FBN3: variants seen among roughly 807,000 people sequenced by gnomAD.
The protein encoded by FBN3 is fibrillin 3, also known as fibrillin-3.
A neutral mutation model predicts 330.1 loss-of-function variants in FBN3; 234 were observed. The ratio of observed to expected loss-of-function variants is 0.71; its 90% CI spans 0.64 to 0.79. FBN3 has a LOEUF of 0.79. FBN3 is among the 30% of genes least tolerant of loss of function. FBN3 has a pLI of 0.00. For missense variants in FBN3, 3,606 were observed against 3,886.9 expected, an observed-to-expected ratio of 0.93 and a Z score of 1.92; for synonymous variants, 1,458 against 1,517.3, an observed-to-expected ratio of 0.96 and a Z score of 0.91.
chr19:8,121,175 G>A lies in FBN3; in HGVS notation c.3211+83C>T. On this transcript the variant is annotated intron_variant, in intron 25 of 63. Coordinates refer to ENST00000600128, the MANE Select transcript of FBN3 (RefSeq NM_032447.5). The surrounding 1 kb of genome is among the most constrained non-coding windows in gnomAD (Gnocchi z 4.5). ...TGCCCCCTCCATCCACGTCCACACA[G>A]CAACAGCCGTCCCCACCCTCCCTCT... The A allele has an allele frequency of 1.5e-6, 2 of 1,344,794 alleles. No homozygotes were observed. Among genetic ancestry groups the A allele is most frequent in the Non-Finnish European group, 2.0e-6 (2 of 979,830 alleles). 83.3% of individuals were successfully genotyped at this position (1,344,794 alleles called of 1,614,324 possible).
intron 18 of FBN3, 32 bp from the exon 19 acceptor site, chr19:8,126,864 C>A: frequency 6.6e-7 from 1 of 1,518,686 alleles, no homozygotes. Flanking sequence ...AGGTCCTGAG[C>A]TGCAGGAGGA....
chr19:8,132,869 TCTC>T (rs1488219877), intron 14 of FBN3, 112 bp downstream of exon 14: 20 of 1,184,534 alleles, frequency 1.7e-5, no homozygotes, highest in South Asian at 8.8e-5. Flanking sequence ...CCCCTTCTCT[TCTC>T]CTTCTCTCAT....
chr19:8,121,477 T>G lies in FBN3; in HGVS notation c.3083-91A>C. The stretch of plus-strand genomic sequence containing the variant: ...GGGTCCCTGTCCTTTGATGGAGGTG[T>G]GGGCTAGAGGAAGCCCATCTGCAGA... On this transcript the variant is annotated intron_variant, in intron 24 of 63. Coordinates refer to ENST00000600128, the MANE Select transcript of FBN3 (RefSeq NM_032447.5). This position sits in a 1 kb window ranked among gnomAD's most constrained non-coding sequence, Gnocchi z 4.5. The G allele has an allele frequency of 7.5e-7, 1 of 1,335,228 alleles. No individual in the cohort carries two copies. The highest frequency in any genetic ancestry group is 1.0e-6 in the Non-Finnish European group (1 of 995,722). 82.7% of individuals were successfully genotyped at this position (1,335,228 alleles called of 1,614,324 possible). A position where few individuals can be genotyped will look rare whatever the true frequency, so the allele number is the denominator to read the frequency against.
chr19:8,109,008 A>T lies in FBN3; in HGVS notation c.4618+219T>A, dbSNP rs1382354. Reference sequence around the variant, plus strand: ...CTGACTGAGTGATCAAGTGACTATAAACACAGAGAATTTACAGAAAGCGAC... The same window carrying T: ...CTGACTGAGTGATCAAGTGACTATATACACAGAGAATTTACAGAAAGCGAC... On this transcript the variant is annotated intron_variant, in intron 36 of 63. Transcript: ENST00000600128. This position sits in a 1 kb window ranked among gnomAD's most constrained non-coding sequence, Gnocchi z 5.2. Among the ~76,000 whole-genome samples, 47,139 of 151,920 alleles carry T rather than the reference A, an allele frequency of 0.31. 7,842 individuals are homozygous for T. Among genetic ancestry groups the T allele is most frequent in the Middle Eastern group, 0.39 (115 of 292 alleles).
intron 37 of FBN3, among the ~76,000 whole-genome samples, chr19:8,107,712 T>C (rs1243941425): frequency 1.5e-5 from 2 of 136,982 alleles, no homozygotes; most frequent in African/African-American, 5.0e-5. Context: ...GGAGGATGGT[T>C]GAATGGAAGT....
At position 8,110,784 on chromosome 19, in the gene FBN3, C is replaced by T. The variant is rs2082561052; in HGVS notation, c.4333+61G>A. 7 of 1,604,538 alleles carry T rather than the reference C, an allele frequency of 4.4e-6. No homozygotes were observed. The African/African-American group carries it at 8.0e-5, about 18-fold the overall frequency. Reference sequence around the variant, plus strand: ...ATCTGAGGGCAGTGAGGGAGTGAGCCATGTCCCCTGCCCCAACTCCTGCTC... The same window carrying T: ...ATCTGAGGGCAGTGAGGGAGTGAGCTATGTCCCCTGCCCCAACTCCTGCTC... On this transcript the variant is annotated intron_variant, in intron 34 of 63. Coordinates refer to ENST00000600128, the MANE Select transcript of FBN3 (RefSeq NM_032447.5).
intron 6 of FBN3, among the ~76,000 whole-genome samples, chr19:8,142,402 G>A (rs1452357106): frequency 6.6e-6 from 1 of 152,074 alleles, no homozygotes; most frequent in African/African-American, 2.4e-5. Flanking sequence ...GGGCCTGTGT[G>A]AACACCCTGT....
At chr19:8,133,966 C>A (rs1221334493) in intron 13 of FBN3, among the ~76,000 whole-genome samples, 1 of 151,046 alleles carries the variant, frequency 6.6e-6, no homozygotes, top group African/African-American at 2.4e-5. Context: ...GTGGTTCACG[C>A]CCGTAATCCC....
chr19:8,088,918 GTGAA>G (rs1433410993), intron 51 of FBN3, among the ~76,000 whole-genome samples: 3 of 151,910 alleles, frequency 2.0e-5, no homozygotes, highest in Non-Finnish European at 4.4e-5. Flanking sequence ...TAAATGAGGT[GTGAA>G]TGAATGAGGG....
rs2083153940 is a variant in FBN3 at position 8,131,747 on chromosome 19, C to CA, written c.1796dup (p.Leu602AlafsTer64). 6.2e-7 allele frequency: 1 copy of CA among 1,613,418 alleles called. No individual in the cohort carries two copies. Among genetic ancestry groups the CA allele is most frequent in the Admixed American group, 1.7e-5 (1 of 59,936 alleles). ...CATCCGTGCCTACCGCCAGCCCCCC[C>CA]AGGCACTGGCAGCGGAAGGAGCCCT... On this transcript the variant is annotated frameshift_variant, in exon 15 of 64. Transcript: ENST00000600128. LOFTEE classifies it high-confidence loss of function. This position sits in a 1 kb window ranked among gnomAD's most constrained non-coding sequence, Gnocchi z 4.5.
At chr19:8,087,038 A>G (rs1324642324) in intron 54 of FBN3, 39 bp downstream of exon 54, 9 of 1,586,332 alleles carry the variant, frequency 5.7e-6, no homozygotes, top group East Asian at 2.3e-5. Flanking sequence ...CCCTTCCACA[A>G]GGAGTTTCCT....
chr19:8,109,096 C>A lies in FBN3; in HGVS notation c.4618+131G>T. ...ACACTGTGTGACCCAGGATGAGCCC[C>A]TCTCCTCCCCCAGTTCTTGGTTTTC... On this transcript the variant is annotated intron_variant, in intron 36 of 63. Coordinates refer to ENST00000600128, the MANE Select transcript of FBN3 (RefSeq NM_032447.5). The surrounding 1 kb of genome is among the most constrained non-coding windows in gnomAD (Gnocchi z 5.2). 1 of 821,222 alleles carries A rather than the reference C, an allele frequency of 1.2e-6. No homozygotes were observed. The allele number at this position is 821,222 out of a possible 1,614,324, so 50.9% of individuals were successfully genotyped here. A position where few individuals can be genotyped will look rare whatever the true frequency, so the allele number is the denominator to read the frequency against.
chr19:8,085,399 A>G lies in FBN3; in HGVS notation c.7051T>C (p.Cys2351Arg), dbSNP rs1258649571. ...LPGTSAYRKL[C>R]PHGSGYTAEG... ...GCAGTGTAGCCTGAGCCATGGGGGC[A>G]CAGCTTCCTGTAGGCAGAGGTGCCG... The change falls in exon 56 of 64, where the codon TGC becomes CGC. Residue 2351 changes from cysteine (C) to arginine (R), a missense_variant. Physicochemically the swap from Cys to Arg is radical, Grantham distance 180 (BLOSUM62 -3). Coordinates refer to ENST00000600128, the MANE Select transcript of FBN3 (RefSeq NM_032447.5). 1.3e-6 allele frequency: 2 copies of G among 1,579,650 alleles called. No individual in the cohort carries two copies. Among genetic ancestry groups the G allele is most frequent in the Admixed American group, 1.9e-5 (1 of 52,880 alleles).
intron 13 of FBN3, 25 bp downstream of exon 13, chr19:8,135,936 G>GGCCACCCCCCCCCCC: frequency 1.5e-6 from 1 of 668,778 alleles, no homozygotes; most frequent in Non-Finnish European, 2.4e-6. Context: ...GGAAGCCCCT[G>GGCCACCCCCCCCCCC]CCCACCCGCC....
At position 8,088,043 on chromosome 19, in the gene FBN3, G is replaced by A. The variant is rs754475756; in HGVS notation, c.6496+17C>T. ...TCTCCGTCACACGGCCCAGGTCCTG[G>A]GCAAGCAGAGTTGTACCCTCGCAGG... On this transcript the variant is annotated intron_variant, in intron 52 of 63. Coordinates refer to ENST00000600128, the MANE Select transcript of FBN3 (RefSeq NM_032447.5). 5 of 1,614,010 alleles carry A rather than the reference G, an allele frequency of 3.1e-6. No homozygotes were observed. Among genetic ancestry groups the A allele is most frequent in the Non-Finnish European group, 4.2e-6 (5 of 1,180,042 alleles).
chr19:8,118,687 A>G lies in FBN3; in HGVS notation c.3337+210T>C, dbSNP rs367987464. 3.0e-3 allele frequency among the ~76,000 whole-genome samples: 459 copies of G among 152,170 alleles called. 2 individuals carry two copies. The highest frequency in any genetic ancestry group is 0.011 in the African/African-American group (443 of 41,512). ...CACACATGTGCGTGTTCATCTAGAC[A>G]CACAAACACACTCCCGCCATCTTGC... is the stretch of plus-strand genomic sequence containing the variant. On this transcript the variant is annotated intron_variant, in intron 26 of 63. Transcript: ENST00000600128.
chr19:8,074,348 G>T (rs561773004), intron 61 of FBN3, among the ~76,000 whole-genome samples: 12 of 152,234 alleles, frequency 7.9e-5, no homozygotes, highest in Admixed American at 5.9e-4. Flanking sequence ...GACCCACCAT[G>T]ACAGACAAAA....
intron 50 of FBN3, 27 bp downstream of exon 50, chr19:8,089,867 C>G (rs200433396): frequency 6.3e-7 from 1 of 1,577,674 alleles, no homozygotes; most frequent in African/African-American, 1.3e-5. Context: ...CCAGAAGGGG[C>G]TCTTAGCATG....
chr19:8,100,288 A>G (rs956844395), intron 41 of FBN3, among the ~76,000 whole-genome samples: 8 of 152,066 alleles, frequency 5.3e-5, no homozygotes, highest in Non-Finnish European at 8.8e-5. Flanking sequence ...CAAAACAGTG[A>G]AAGTGTACTT....
Sources: allele counts gnomAD v4.1 joint callset (sites outside exome capture counted in the v4.1 genomes callset), GRCh38; gene constraint gnomAD v4.1.1; non-coding constraint Gnocchi (gnomAD v3.1); transcripts MANE v1.5; gene names NCBI Gene and HGNC (gene_info 2026-07-23, HGNC 2026-07-21).